Variants in TSHR observed in about 807,000 individuals in gnomAD.
The protein encoded by TSHR is thyroid stimulating hormone receptor, also known as thyrotropin receptor.
TSHR carries 51 observed loss-of-function variants against 64.1 expected under a neutral mutation model. The ratio of observed to expected loss-of-function variants is 0.80; its 90% CI spans 0.64 to 1.01. The LOEUF (loss-of-function observed/expected upper bound fraction) is 1.01, where lower values mean the gene tolerates loss of function less well. TSHR is among the 50% of genes least tolerant of loss of function. The pLI, the probability that TSHR is intolerant of heterozygous loss-of-function variation, is 0.00. For missense variants in TSHR, 877 were observed against 942.8 expected (o/e 0.93, Z 0.91); for synonymous variants, 361 against 361.9 (o/e 1.00, Z 0.03).
chr14:81,023,812 C>T (rs546418460), intron 1 of TSHR, among the ~76,000 whole-genome samples: 2 of 152,230 alleles, frequency 1.3e-5, no homozygotes, highest in South Asian at 2.1e-4. Context: ...ACTGCATTTG[C>T]ACAAAACAGT....
At chr14:80,982,607 G>GA (rs35277102) in intron 1 of TSHR, 564,192 of 754,688 alleles carry the variant, frequency 0.75, 190,643 homozygotes, top group Admixed American at 0.85. Context: ...GAAATTAATG[G>GA]AAAAAAAAAA....
At chr14:81,110,514 C>T (rs948752471) in intron 8 of TSHR, among the ~76,000 whole-genome samples, 19 of 152,200 alleles carry the variant, frequency 1.2e-4, no homozygotes, top group African/African-American at 4.6e-4. Context: ...GCCTCCAGAA[C>T]TGTAAGAAAA....
intron 1 of TSHR, chr14:80,983,384 T>C: frequency 8.9e-7 from 1 of 1,125,582 alleles, no homozygotes. Context: ...CCAGACATCT[T>C]GTTTTGAAAG....
intron 3 of TSHR, among the ~76,000 whole-genome samples, chr14:81,073,017 A>AAAAAAAAAAATAT (rs1555376957): frequency 4.4e-5 from 4 of 91,194 alleles, no homozygotes; most frequent in African/African-American, 1.8e-4. Flanking sequence ...AAAAATAAAA[A>AAAAAAAAAAATAT]ATAAATATAT....
At chr14:81,067,147 T>TG (rs148969313) in intron 2 of TSHR, among the ~76,000 whole-genome samples, 1 of 152,320 alleles carries the variant, frequency 6.6e-6, no homozygotes, top group East Asian at 1.9e-4. Context: ...ACCTGTGGAA[T>TG]GTTCCACTAG....
chr14:80,961,028 T>C (rs1446344694), intron 1 of TSHR, among the ~76,000 whole-genome samples: 1 of 152,256 alleles, frequency 6.6e-6, no homozygotes, highest in Admixed American at 6.5e-5. Context: ...TGGCAAGCCA[T>C]AGCTGCTGGA....
chr14:81,086,360 C>T (rs1015871794), intron 3 of TSHR, among the ~76,000 whole-genome samples: 3 of 152,122 alleles, frequency 2.0e-5, no homozygotes, highest in African/African-American at 7.2e-5. Flanking sequence ...CCTCTCTTTT[C>T]CAAGGTCTGT....
chr14:81,070,881 T>G (rs750272978), intron 3 of TSHR, among the ~76,000 whole-genome samples: 9 of 152,118 alleles, frequency 5.9e-5, no homozygotes, highest in Non-Finnish European at 1.0e-4. Flanking sequence ...TTAAAGGAAC[T>G]ACTAATGGGA....
At chr14:80,961,564 A>G (rs1208296046) in intron 1 of TSHR, among the ~76,000 whole-genome samples, 1 of 152,200 alleles carries the variant, frequency 6.6e-6, no homozygotes, top group Admixed American at 6.5e-5. Flanking sequence ...TGGGATGAAC[A>G]TATTAATGGA....
chr14:80,973,480 G>A (rs1482025659), intron 1 of TSHR, among the ~76,000 whole-genome samples: 1 of 146,252 alleles, frequency 6.8e-6, no homozygotes, highest in African/African-American at 2.5e-5. Flanking sequence ...ACTTTCCCGT[G>A]TCGAAAGGTT....
intron 4 of TSHR, among the ~76,000 whole-genome samples, chr14:81,090,642 A>G (rs942309824): frequency 3.3e-5 from 5 of 152,194 alleles, no homozygotes; most frequent in African/African-American, 1.2e-4. Context: ...TATCATGTAG[A>G]GCTTGAAAGA....
intron 1 of TSHR, chr14:81,012,390 G>A (rs1005028065): frequency 1.5e-4 from 22 of 151,446 alleles, no homozygotes; most frequent in East Asian, 3.9e-4. Flanking sequence ...GAATAATGCC[G>A]CAATAAACAT....
intron 3 of TSHR, among the ~76,000 whole-genome samples, chr14:81,078,419 T>C (rs576444239): frequency 4.6e-5 from 7 of 152,308 alleles, no homozygotes; most frequent in South Asian, 2.1e-4. Flanking sequence ...ATGTGTTTTT[T>C]CCCCTCTGGT....
At chr14:81,112,877 C>T (rs1050877719) in intron 8 of TSHR, among the ~76,000 whole-genome samples, 33 of 152,118 alleles carry the variant, frequency 2.2e-4, no homozygotes, top group African/African-American at 7.0e-4. Flanking sequence ...AGGCCATTGC[C>T]GCTCAAACAG....
intron 4 of TSHR, among the ~76,000 whole-genome samples, chr14:81,089,308 G>A (rs1196601364): frequency 1.3e-5 from 2 of 152,160 alleles, no homozygotes; most frequent in Non-Finnish European, 2.9e-5. Flanking sequence ...TATTGAAGAG[G>A]TGGGTGTGAG....
At chr14:81,000,626 C>T (rs1332884437) in intron 1 of TSHR, among the ~76,000 whole-genome samples, 2 of 152,128 alleles carry the variant, frequency 1.3e-5, no homozygotes, top group African/African-American at 4.8e-5. Context: ...CTCTCTTTCC[C>T]TCCACGTCAG....
rs1461047824 is a variant in TSHR, at chr14:81,114,803, G to A, written c.692+6351G>A. On this transcript the variant is annotated intron_variant, in intron 8 of 9. Coordinates refer to ENST00000298171, the MANE Select transcript of TSHR (RefSeq NM_000369.5). The stretch of plus-strand genomic sequence containing the variant: ...CTGTCTGACAGCTTTGAAGAGAGCC[G>A]TGGTTCTACCAGCACGCAGCTGGAG... Among the ~76,000 whole-genome samples the A allele has an allele frequency of 3.9e-5, 6 of 152,316 alleles. No homozygotes were observed. In the East Asian group the frequency reaches 5.8e-4, roughly 15 times the overall value.
In TSHR at chr14:81,068,096, T is replaced by C. The variant is rs11159490; in HGVS notation, c.243-158T>C. The stretch of plus-strand genomic sequence containing the variant: ...GTATCACAAGATCTGAAAAAAAAAG[T>C]AGTAAGTAATTTTAACATAATTTGG... On this transcript the variant is annotated intron_variant, in intron 2 of 9. Transcript: ENST00000298171. Among the ~76,000 whole-genome samples, 69,354 of 150,814 alleles carry C rather than the reference T, an allele frequency of 0.46. 19,521 individuals carry two copies. Among genetic ancestry groups the C allele is most frequent in the Non-Finnish European group, 0.62 (41,774 of 67,688 alleles).
chr14:81,015,406 A>AGTTTTGGTTT (rs1343595721), intron 1 of TSHR, among the ~76,000 whole-genome samples: 1 of 152,180 alleles, frequency 6.6e-6, no homozygotes, highest in African/African-American at 2.4e-5. Flanking sequence ...GACGGGCAAG[A>AGTTTTGGTTT]GTTTTGGTTT....
Sources: gnomAD v4.1 joint callset for allele counts (sites outside exome capture counted in the v4.1 genomes callset) on GRCh38, gnomAD v4.1.1 for gene constraint, MANE v1.5 for transcripts, NCBI Gene and HGNC (gene_info 2026-07-23, HGNC 2026-07-21) for gene names.